PCDHGA6: variants seen among roughly 807,000 people sequenced by gnomAD.
PCDHGA6 encodes protocadherin gamma subfamily A, 6.
A neutral mutation model predicts 60.6 loss-of-function variants in PCDHGA6; 41 were observed. The ratio of observed to expected loss-of-function variants is 0.68; its 90% CI spans 0.53 to 0.88. The LOEUF (loss-of-function observed/expected upper bound fraction) is 0.88. Among genes scored for constraint, PCDHGA6 ranks in the 40% least tolerant of loss-of-function variants. The pLI is 0.00. For synonymous variants in PCDHGA6, 594 were observed against 524.4 expected (o/e 1.13, Z -1.81); for missense variants, 1,312 against 1,203.0 (o/e 1.09, Z -1.34).
Position 141,393,015 on chromosome 5 carries a change from T to C in PCDHGA6, c.2424+16508T>C, listed in dbSNP as rs755462760. On this transcript the variant is annotated intron_variant, in intron 1 of 3. Transcript: ENST00000517434. The stretch of plus-strand genomic sequence containing the variant: ...GGCGAAGCACGGAGTCCGTATCGTC[T>C]CCAGAGGTAGGACGCAGCTCTTTGC... The C allele has an allele frequency of 7.9e-5, 127 of 1,613,696 alleles. No homozygotes were observed. The highest frequency in any genetic ancestry group is 1.1e-4 in the Non-Finnish European group (124 of 1,179,874).
intron 1 of PCDHGA6, chr5:141,391,114 A>G (rs2092301730): frequency 6.6e-6 from 1 of 152,176 alleles, no homozygotes; most frequent in African/African-American, 2.4e-5. Context: ...TAATATAGCT[A>G]GAGGTCTTCT....
rs768354664 is a variant in PCDHGA6 at position 141,485,690 on chromosome 5, A to C, written c.2425-9117A>C. On this transcript the variant is annotated intron_variant, in intron 1 of 3. Coordinates refer to ENST00000517434, the MANE Select transcript of PCDHGA6 (RefSeq NM_018919.3). This position sits in a 1 kb window ranked among gnomAD's most constrained non-coding sequence, Gnocchi z 5.7. ...CAATTCGATTAGCAGCTATAGGCTG[A>C]GCTCCAATGAACACTTTGCACTGGA... 1.6e-5 allele frequency: 26 copies of C among 1,614,106 alleles called. No individual in the cohort carries two copies. In the South Asian group the frequency reaches 2.7e-4, roughly 17 times the overall value.
chr5:141,381,702 C>CT (rs1561588740), intron 1 of PCDHGA6, among the ~76,000 whole-genome samples: 1 of 151,968 alleles, frequency 6.6e-6, no homozygotes, highest in Admixed American at 6.6e-5. Flanking sequence ...CGATTTCTTT[C>CT]TTTTTTTCTC....
At chr5:141,488,020 T>C (rs985558790) in intron 1 of PCDHGA6, among the ~76,000 whole-genome samples, 3 of 152,174 alleles carry the variant, frequency 2.0e-5, no homozygotes, top group African/African-American at 7.2e-5. Context: ...GTACCTTAAC[T>C]CTAGGTTACC....
intron 1 of PCDHGA6, chr5:141,430,554 A>G (rs372392559): frequency 3.2e-5 from 13 of 411,906 alleles, no homozygotes; most frequent in Admixed American, 4.0e-5. Context: ...CTGTTCACCA[A>G]TCGGGGAGAG....
chr5:141,410,746 C>A (rs1489353130), intron 1 of PCDHGA6: 28 of 1,269,804 alleles, frequency 2.2e-5, no homozygotes, highest in Non-Finnish European at 2.7e-5. Flanking sequence ...ACAATATTTT[C>A]TCAATGTTTT....
rs971610218 is a variant in PCDHGA6, at chr5:141,400,979, C to T, written c.2424+24472C>T. Among the ~76,000 whole-genome samples, 10 of 152,258 alleles carry T rather than the reference C, an allele frequency of 6.6e-5. No individual in the cohort carries two copies. The East Asian group carries it at 9.6e-4, about 15-fold the overall frequency. ...GTAGTTTTCATCTCTTTCTTATGTT[C>T]CTCATATATGCTTTCTTATTCCTAC... On this transcript the variant is annotated intron_variant, in intron 1 of 3. Transcript: ENST00000517434.
At chr5:141,406,002 A>G (rs1348687108) in intron 1 of PCDHGA6, among the ~76,000 whole-genome samples, 1 of 151,598 alleles carries the variant, frequency 6.6e-6, no homozygotes, top group Non-Finnish European at 1.5e-5. Flanking sequence ...CTCAGCCTGC[A>G]TTGATGTGGG....
chr5:141,415,980 T>C, intron 1 of PCDHGA6: 1 of 348,656 alleles, frequency 2.9e-6, no homozygotes, highest in Non-Finnish European at 4.8e-6. Context: ...TAAGCAACCC[T>C]CTTGTTCTGA....
Position 141,486,587 on chromosome 5 carries a change from G to C in PCDHGA6, c.2425-8220G>C. 6.2e-7 allele frequency: 1 copy of C among 1,613,596 alleles called. No individual in the cohort carries two copies. The highest frequency in any genetic ancestry group is 8.5e-7 in the Non-Finnish European group (1 of 1,180,006). On this transcript the variant is annotated intron_variant, in intron 1 of 3. Transcript: ENST00000517434. The surrounding 1 kb of genome is among the most constrained non-coding windows in gnomAD (Gnocchi z 5.0). ...TGTTCCTGAGAACAATCGCCCAGGG[G>C]ACCTGCTTTGCTCCCTTGCAGCCTC...
intron 1 of PCDHGA6, among the ~76,000 whole-genome samples, chr5:141,460,983 GTATA>G (rs59296681): frequency 0.024 from 3,365 of 137,748 alleles, 55 homozygotes; most frequent in African/African-American, 0.035. Flanking sequence ...GTGTGTGTGT[GTATA>G]TATATATATG....
chr5:141,395,442 AG>A lies in PCDHGA6; in HGVS notation c.2424+18936del, dbSNP rs1446210907. Reference sequence around the variant, plus strand: ...CATTTGCTTTTAAACGACTTGGAAAAGATTGTTCAACCATTTTAAGCCTTCC... The same window carrying A: ...CATTTGCTTTTAAACGACTTGGAAAAATTGTTCAACCATTTTAAGCCTTCC... On this transcript the variant is annotated intron_variant, in intron 1 of 3. Coordinates refer to ENST00000517434, the MANE Select transcript of PCDHGA6 (RefSeq NM_018919.3). 4 of 667,514 alleles carry A rather than the reference AG, an allele frequency of 6.0e-6. No homozygotes were observed. The East Asian group carries it at 1.2e-4, about 20-fold the overall frequency. 41.3% of individuals were successfully genotyped at this position (667,514 alleles called of 1,614,324 possible).
intron 1 of PCDHGA6, chr5:141,402,997 G>C: frequency 3.7e-6 from 6 of 1,613,928 alleles, no homozygotes; most frequent in Non-Finnish European, 5.1e-6. Context: ...GATTAGTCCT[G>C]CTATGCTCGC....
chr5:141,510,239 C>T (rs2099880022), intron 3 of PCDHGA6, among the ~76,000 whole-genome samples: 1 of 150,434 alleles, frequency 6.6e-6, no homozygotes, highest in Non-Finnish European at 1.5e-5. Flanking sequence ...CGCCACTGCA[C>T]TCCAGGCTGG....
intron 1 of PCDHGA6, chr5:141,398,849 T>G: frequency 6.2e-7 from 1 of 1,613,874 alleles, no homozygotes; most frequent in Admixed American, 1.7e-5. Flanking sequence ...AATCCCCCGG[T>G]ATTCAACCGA....
At chr5:141,506,191 C>T (rs932500250) in intron 3 of PCDHGA6, among the ~76,000 whole-genome samples, 8 of 152,182 alleles carry the variant, frequency 5.3e-5, no homozygotes, top group African/African-American at 1.9e-4. Flanking sequence ...TGGCTCACGC[C>T]TGTAATCCCA....
intron 1 of PCDHGA6, chr5:141,422,606 C>A: frequency 6.2e-7 from 1 of 1,613,904 alleles, no homozygotes; most frequent in Non-Finnish European, 8.5e-7. Context: ...TCTTACTCTG[C>A]CTACATTCCC....
intron 1 of PCDHGA6, among the ~76,000 whole-genome samples, chr5:141,437,364 T>G (rs1026384836): frequency 6.6e-6 from 1 of 152,232 alleles, no homozygotes; most frequent in Non-Finnish European, 1.5e-5. Context: ...AAAATTGGAA[T>G]GTAATCAGTC....
intron 1 of PCDHGA6, chr5:141,399,738 G>T: frequency 1.2e-6 from 2 of 1,613,268 alleles, no homozygotes; most frequent in South Asian, 2.2e-5. Flanking sequence ...GCTCGCCTGC[G>T]CTCAGCGCAA....
Sources: allele counts gnomAD v4.1 joint callset (sites outside exome capture counted in the v4.1 genomes callset), GRCh38; gene constraint gnomAD v4.1.1; non-coding constraint Gnocchi (gnomAD v3.1); transcripts MANE v1.5; gene names NCBI Gene and HGNC (gene_info 2026-07-23, HGNC 2026-07-21).